Variants in PLXNA4 observed in about 807,000 individuals in gnomAD.
PLXNA4 encodes the protein plexin-A4.
Under a neutral mutation model 191.8 loss-of-function variants are expected in PLXNA4, and 44 were observed. The observed-to-expected ratio is 0.23, with a 90% confidence interval of 0.18 to 0.29. The LOEUF (loss-of-function observed/expected upper bound fraction) is 0.29, where lower values mean the gene tolerates loss of function less well. Ranked by LOEUF, PLXNA4 falls within the 10% of genes least tolerant of loss-of-function variation. The probability of loss-of-function intolerance (pLI) is 1.00; values close to 1 mark genes in which losing one functional copy is unlikely to be tolerated. For missense variants in PLXNA4, 1,800 were observed against 2,488.8 expected (o/e 0.72, Z 5.89); for synonymous variants, 1,082 against 1,009.5 (o/e 1.07, Z -1.36).
chr7:132,239,287 G>A (rs1798802451), intron 5 of PLXNA4, among the ~76,000 whole-genome samples: 1 of 152,174 alleles, frequency 6.6e-6, no homozygotes, highest in Admixed American at 6.5e-5. Context: ...GGGGTGGGAG[G>A]TGGGGGTTCT....
chr7:132,238,467 A>G (rs1262140548), intron 5 of PLXNA4, among the ~76,000 whole-genome samples: 1 of 152,182 alleles, frequency 6.6e-6, no homozygotes, highest in Non-Finnish European at 1.5e-5. Context: ...TTTCCACTCC[A>G]GTAATCTTCC....
intron 2 of PLXNA4, among the ~76,000 whole-genome samples, chr7:132,627,005 T>C (rs1424328012): frequency 1.3e-5 from 2 of 152,246 alleles, no homozygotes; most frequent in African/African-American, 2.4e-5. Context: ...AAAATTTCAA[T>C]GGCTCCTGAC....
chr7:132,604,033 T>C (rs549337338), intron 2 of PLXNA4, among the ~76,000 whole-genome samples: 1 of 152,256 alleles, frequency 6.6e-6, no homozygotes, highest in Admixed American at 6.5e-5. Context: ...GACTATCCAA[T>C]TGGGTTATTT....
chr7:132,566,642 T>C (rs963195904), intron 1 of PLXNA4, among the ~76,000 whole-genome samples: 1 of 152,218 alleles, frequency 6.6e-6, no homozygotes, highest in Non-Finnish European at 1.5e-5. Flanking sequence ...GTGAATGTCA[T>C]TACTCACATA....
chr7:132,182,662 A>C (rs1368362290), intron 16 of PLXNA4, among the ~76,000 whole-genome samples: 1 of 152,166 alleles, frequency 6.6e-6, no homozygotes, highest in Non-Finnish European at 1.5e-5. Flanking sequence ...CCCCCAGGGC[A>C]ATCGTTCTAT....
intron 1 of PLXNA4, among the ~76,000 whole-genome samples, chr7:132,547,190 G>A (rs1800345950): frequency 6.6e-6 from 1 of 152,148 alleles, no homozygotes; most frequent in Non-Finnish European, 1.5e-5. Flanking sequence ...TCTGGGCCCA[G>A]TACTGATGCT....
chr7:132,309,225 T>C (rs182584500), intron 3 of PLXNA4, among the ~76,000 whole-genome samples: 129 of 152,314 alleles, frequency 8.5e-4, no homozygotes, highest in Admixed American at 1.4e-3. Context: ...AGCAGTTTCA[T>C]GCCCATGGTC....
chr7:132,186,958 C>T (rs1462414768), intron 15 of PLXNA4, among the ~76,000 whole-genome samples: 5 of 152,104 alleles, frequency 3.3e-5, no homozygotes, highest in Non-Finnish European at 5.9e-5. Context: ...CCCAATTGCT[C>T]CTATGGATAA....
Position 132,167,847 on chromosome 7 carries a change from C to T in PLXNA4, c.4286+457G>A, listed in dbSNP as rs1170359850. Among the ~76,000 whole-genome samples, 3 of 152,226 alleles carry T rather than the reference C, an allele frequency of 2.0e-5. No homozygotes were observed. The East Asian group carries it at 5.8e-4, about 29-fold the overall frequency. ...CACAGGCATGAGCCACTGCACCTGG[C>T]TTGTGATTCTGCTTTTCTAACAAGC... On this transcript the variant is annotated intron_variant, in intron 22 of 31. Coordinates refer to ENST00000321063, the MANE Select transcript of PLXNA4 (RefSeq NM_020911.2).
intron 1 of PLXNA4, among the ~76,000 whole-genome samples, chr7:132,538,813 C>T (rs1032282174): frequency 2.0e-5 from 3 of 152,298 alleles, no homozygotes; most frequent in South Asian, 2.1e-4. Context: ...CAACCAGAGG[C>T]AGACCTTGTT....
At position 132,326,732 on chromosome 7, in the gene PLXNA4, C is replaced by CT. The variant is rs146750551; in HGVS notation, c.1372-28511dup. Among the ~76,000 whole-genome samples the CT allele has an allele frequency of 9.9e-3, 1,501 of 152,262 alleles. 34 individuals carry two copies. Among genetic ancestry groups the CT allele is most frequent in the African/African-American group, 0.034 (1,424 of 41,536 alleles). On this transcript the variant is annotated intron_variant, in intron 3 of 31. Coordinates refer to ENST00000321063, the MANE Select transcript of PLXNA4 (RefSeq NM_020911.2). ...TCTCTGTGCCCTCACCCAGTGTTAT[C>CT]TTTTTTTATATAACACAACCTGAAG...
chr7:132,230,848 C>T (rs975475395), intron 5 of PLXNA4, among the ~76,000 whole-genome samples: 2 of 152,088 alleles, frequency 1.3e-5, no homozygotes, highest in Admixed American at 6.5e-5. Context: ...ATGAAGAGAG[C>T]GAAAAGCAGA....
At chr7:132,295,270 A>C (rs1323873627) in intron 4 of PLXNA4, among the ~76,000 whole-genome samples, 1 of 152,202 alleles carries the variant, frequency 6.6e-6, no homozygotes, top group East Asian at 1.9e-4. Flanking sequence ...CAAGAGAGAC[A>C]AGGAAGTCAT....
At chr7:132,385,390 A>T in intron 3 of PLXNA4, 3 of 1,445,742 alleles carry the variant, frequency 2.1e-6, no homozygotes, top group Non-Finnish European at 1.8e-6. Flanking sequence ...TTTACAGTAA[A>T]TATGTATTAC....
Position 132,223,615 on chromosome 7 carries a change from T to C in PLXNA4, c.2009A>G (p.Tyr670Cys), listed in dbSNP as rs747553022. Reference protein sequence around the residue: ...NSCLSCVESPYRCHWCKYRHV... With the variant: ...NSCLSCVESPCRCHWCKYRHV... ...CCGGTATTTACACCAGTGGCAGCGG[T>C]ATGGACTCTCCACGCAGGACAGGCA... The change falls in exon 9 of 32, where the codon TAC (tyrosine) becomes TGC (cysteine). Residue 670 changes from tyrosine to cysteine, a missense_variant. By Grantham distance (194) the Tyr-to-Cys change is radical (BLOSUM62 -2). Around this residue, in one of 6 missense-constraint regions of PLXNA4, gnomAD observed 1,397 missense variants for 1,880.4 expected, o/e 0.74. Coordinates refer to ENST00000321063, the MANE Select transcript of PLXNA4 (RefSeq NM_020911.2). 1 of 1,613,546 alleles carries C rather than the reference T, an allele frequency of 6.2e-7. No homozygotes were observed. Among genetic ancestry groups the C allele is most frequent in the East Asian group, 2.2e-5 (1 of 44,846 alleles).
rs201451359 is a variant in PLXNA4, at chr7:132,182,174, C to A, written c.3175G>T (p.Ala1059Ser). 3.9e-5 allele frequency: 63 copies of A among 1,614,028 alleles called. No homozygotes were observed. In the South Asian group the frequency reaches 6.0e-4, roughly 15 times the overall value. The part of the protein sequence containing the change: ...WSIVSGNTPI[A>S]VWGTHLDLIQ... ...AGGTCCAGGTGGGTCCCCCATACGG[C>A]GATGGGTGTGTTTCCACTGAGCAGG... The change falls in exon 17 of 32, where the codon GCC becomes TCC. Residue 1059 changes from alanine to serine, a missense_variant. Transcript: ENST00000321063.
intron 4 of PLXNA4, among the ~76,000 whole-genome samples, chr7:132,250,004 A>G (rs1328532176): frequency 6.6e-6 from 1 of 152,218 alleles, no homozygotes; most frequent in Non-Finnish European, 1.5e-5. Flanking sequence ...GGAGAAAAAT[A>G]GAGTTTGAAA....
intron 9 of PLXNA4, among the ~76,000 whole-genome samples, chr7:132,214,173 G>C (rs2116915828): frequency 6.6e-6 from 1 of 152,274 alleles, no homozygotes; most frequent in South Asian, 2.1e-4. Context: ...CTGAAGTCCA[G>C]GGGACTCGGA....
At chr7:132,297,795 C>A (rs1049434701) in intron 4 of PLXNA4, among the ~76,000 whole-genome samples, 1 of 152,086 alleles carries the variant, frequency 6.6e-6, no homozygotes. Context: ...GGCATCTGTA[C>A]GACGTTCCTT....
Sources: gnomAD v4.1 joint callset for allele counts (sites outside exome capture counted in the v4.1 genomes callset) on GRCh38, gnomAD v4.1.1 for gene constraint, gnomAD v4.1.1 regional missense constraint, MANE v1.5 for transcripts, NCBI Gene and HGNC (gene_info 2026-07-23, HGNC 2026-07-21) for gene names.